VAV2: variants seen among roughly 807,000 people sequenced by gnomAD.
The protein encoded by VAV2 is vav guanine nucleotide exchange factor 2.
In VAV2, 67 loss-of-function variants were observed where a neutral mutation model predicts 132.5. The ratio of observed to expected loss-of-function variants is 0.51; its 90% CI spans 0.42 to 0.62. The LOEUF is 0.62. Ranked by LOEUF, VAV2 falls within the 20% of genes least tolerant of loss-of-function variation. The probability of loss-of-function intolerance (pLI) is 0.00; values close to 1 mark genes in which losing one functional copy is unlikely to be tolerated. For synonymous variants in VAV2, 492 were observed against 443.5 expected, an observed-to-expected ratio of 1.11 and a Z score of -1.37; for missense variants, 938 against 1,153.6, an observed-to-expected ratio of 0.81 and a Z score of 2.71.
rs1020408130 is a variant in VAV2, at chr9:133,770,438, G to A, written c.2287C>T (p.Leu763Phe). The change falls in exon 27 of 30, where the codon CTC (leucine) becomes TTC (phenylalanine). Residue 763 changes from leucine (L) to phenylalanine (F), a missense_variant. Transcript: ENST00000371850. ...TCCCGGGACTTGTAGGGGTACTTGA[G>A]TGTGGTGTCCAGCTGCTTGAAGCTC... ...KESFKQLDTT[L>F]KYPYKSRERS... 2 of 1,614,058 alleles carry A rather than the reference G, an allele frequency of 1.2e-6. No individual in the cohort carries two copies. Among genetic ancestry groups the A allele is most frequent in the Non-Finnish European group, 1.7e-6 (2 of 1,180,006 alleles).
chr9:133,892,988 T>C (rs1456336685), intron 2 of VAV2, among the ~76,000 whole-genome samples: 2 of 152,158 alleles, frequency 1.3e-5, no homozygotes, highest in Non-Finnish European at 2.9e-5. Flanking sequence ...AGGAACACCA[T>C]CTTCCTGGTC....
chr9:133,795,170 T>A (rs1834657314), intron 12 of VAV2, among the ~76,000 whole-genome samples: 1 of 152,122 alleles, frequency 6.6e-6, no homozygotes, highest in South Asian at 2.1e-4. Context: ...ACGGAAGGTT[T>A]CTGAGCAAGG....
At chr9:133,932,693 C>T (rs770448000) in intron 2 of VAV2, among the ~76,000 whole-genome samples, 9 of 149,924 alleles carry the variant, frequency 6.0e-5, no homozygotes, top group Non-Finnish European at 1.2e-4. Flanking sequence ...GAGTCCAACT[C>T]GCGTCCAGGT....
rs147463849 is a variant in VAV2, at chr9:133,966,756, C to T, written c.204+25319G>A. ...AAAAAAGTCAACTTAATAGCAGGGC[C>T]GAGCACGATGGCTCATGCCTGTAAT... On this transcript the variant is annotated intron_variant, in intron 1 of 29. Transcript: ENST00000371850. 5.4e-3 allele frequency among the ~76,000 whole-genome samples: 824 copies of T among 152,008 alleles called. 10 individuals are homozygous for T. The highest frequency in any genetic ancestry group is 0.019 in the African/African-American group (775 of 41,470).
intron 2 of VAV2, among the ~76,000 whole-genome samples, chr9:133,892,346 A>T (rs1429119214): frequency 6.6e-6 from 1 of 151,020 alleles, no homozygotes; most frequent in African/African-American, 2.4e-5. Context: ...GTGAGCCAGG[A>T]GTGTCCTTTG....
intron 1 of VAV2, among the ~76,000 whole-genome samples, chr9:133,958,700 C>T (rs1261564557): frequency 6.6e-6 from 1 of 152,174 alleles, no homozygotes; most frequent in Non-Finnish European, 1.5e-5. Flanking sequence ...TTCCACCTTA[C>T]GAGAAACACC....
intron 13 of VAV2, among the ~76,000 whole-genome samples, chr9:133,790,576 T>C (rs569854550): frequency 1.3e-5 from 2 of 152,350 alleles, no homozygotes; most frequent in South Asian, 2.1e-4. Flanking sequence ...TGTACGCATT[T>C]GTGACCGCCT....
intron 19 of VAV2, 72 bp downstream of exon 19, chr9:133,783,431 C>G: frequency 6.8e-7 from 1 of 1,480,396 alleles, no homozygotes. Context: ...GAGGCCCGTA[C>G]CCAGGTGGTA....
chr9:133,942,524 G>A (rs760145302), intron 1 of VAV2, among the ~76,000 whole-genome samples: 10 of 152,266 alleles, frequency 6.6e-5, no homozygotes, highest in South Asian at 2.1e-4. Flanking sequence ...GCTCATCTGC[G>A]CGGCTGCATG....
At position 133,862,167 on chromosome 9, in the gene VAV2, G is replaced by T. The variant is rs570590466; in HGVS notation, c.322-735C>A. Among the ~76,000 whole-genome samples the T allele has an allele frequency of 7.2e-5, 11 of 152,358 alleles. No homozygotes were observed. In the South Asian group the frequency reaches 1.7e-3, roughly 23 times the overall value. On this transcript the variant is annotated intron_variant, in intron 2 of 29. Transcript: ENST00000371850. ...CCCTAACCGGCCTGCCCCGTGATGT[G>T]GGCCTCCTCTGGATAGGCAGGACCC...
At chr9:133,929,023 A>AC (rs1226309602) in intron 2 of VAV2, among the ~76,000 whole-genome samples, 12 of 152,162 alleles carry the variant, frequency 7.9e-5, no homozygotes, top group African/African-American at 2.9e-4. Context: ...AGGCAGCGGC[A>AC]CCATCTGGAA....
rs10993856 is a variant in VAV2 at position 133,918,157 on chromosome 9, G to T, written c.321+20946C>A. Among the ~76,000 whole-genome samples, 52 of 152,316 alleles carry T rather than the reference G, an allele frequency of 3.4e-4. No individual in the cohort carries two copies. In the East Asian group the frequency reaches 7.5e-3, roughly 22 times the overall value. On this transcript the variant is annotated intron_variant, in intron 2 of 29. Coordinates refer to ENST00000371850, the MANE Select transcript of VAV2 (RefSeq NM_001134398.2). This position sits in a 1 kb window ranked among gnomAD's most constrained non-coding sequence, Gnocchi z 4.7. ...TTAGGACAGCTCTCCTTTTCCACTT[G>T]AAAGGCATCTCAGGGTGGTTTCCTC... is the stretch of plus-strand genomic sequence containing the variant.
chr9:133,813,466 T>C (rs999975927), intron 4 of VAV2, among the ~76,000 whole-genome samples: 2 of 152,222 alleles, frequency 1.3e-5, no homozygotes, highest in Non-Finnish European at 2.9e-5. Flanking sequence ...GGGAGGACCA[T>C]TCAAGGTCTA....
At chr9:133,871,214 AAGTGGGTACGT>A (rs990268882) in intron 2 of VAV2, among the ~76,000 whole-genome samples, 19 of 133,174 alleles carry the variant, frequency 1.4e-4, no homozygotes, top group South Asian at 8.1e-4. Context: ...CTGGATGGAT[AAGTGGGTACGT>A]AGGTGGGTGG....
chr9:133,867,076 C>T (rs1208411776), intron 2 of VAV2, among the ~76,000 whole-genome samples: 1 of 152,124 alleles, frequency 6.6e-6, no homozygotes, highest in Non-Finnish European at 1.5e-5. Flanking sequence ...CAGGAGGACA[C>T]GCCCCTGCAG....
intron 10 of VAV2, among the ~76,000 whole-genome samples, chr9:133,797,313 C>T (rs1053963293): frequency 1.0e-4 from 15 of 145,626 alleles, no homozygotes; most frequent in Non-Finnish European, 1.5e-5. Context: ...AGTCAGAGCC[C>T]CCAGTTGATA....
Position 133,764,065 on chromosome 9 carries a change from C to G in VAV2, c.2634G>C (p.Gln878His). Residue 878 changes from glutamine (Q) to histidine (H), a missense_variant, in exon 30 of 30, where the codon CAG becomes CAC. By Grantham distance (24) the Gln-to-His change is conservative (BLOSUM62 0). Coordinates refer to ENST00000371850, the MANE Select transcript of VAV2 (RefSeq NM_001134398.2). ...PSTYVEEEGI[Q>H] is the part of the protein sequence containing the mutation. ...AGTCTTGTCCACGTTCCTGCCGTCA[C>G]TGGATGCCCTCCTCTTCTACGTACG... 6.2e-7 allele frequency: 1 copy of G among 1,614,080 alleles called. No homozygotes were observed. The highest frequency in any genetic ancestry group is 8.5e-7 in the Non-Finnish European group (1 of 1,179,992).
At chr9:133,921,594 A>T (rs2132077743) in intron 2 of VAV2, among the ~76,000 whole-genome samples, 1 of 152,298 alleles carries the variant, frequency 6.6e-6, no homozygotes, top group East Asian at 1.9e-4. Flanking sequence ...AGAAACTCTA[A>T]TTGGGGATAT....
intron 2 of VAV2, among the ~76,000 whole-genome samples, chr9:133,892,315 T>C (rs1036990584): frequency 1.3e-5 from 2 of 151,536 alleles, no homozygotes; most frequent in Non-Finnish European, 2.9e-5. Context: ...TCCTGGTGCT[T>C]CCGCAGGGCT....
Sources: allele counts gnomAD v4.1 joint callset (sites outside exome capture counted in the v4.1 genomes callset), GRCh38; gene constraint gnomAD v4.1.1; non-coding constraint Gnocchi (gnomAD v3.1); transcripts MANE v1.5; gene names NCBI Gene and HGNC (gene_info 2026-07-23, HGNC 2026-07-21).